Variants in EYS observed in about 807,000 individuals in gnomAD.
The protein encoded by EYS is EGF-like photoreceptor maintenance factor, also known as protein eyes shut homolog.
In EYS, 250 loss-of-function variants were observed where a neutral mutation model predicts 282.1. The ratio of observed to expected loss-of-function variants is 0.89; its 90% CI spans 0.80 to 0.98. The LOEUF is 0.98. Among genes scored for constraint, EYS ranks in the 50% least tolerant of loss-of-function variants. EYS has a pLI of 0.00. For missense variants in EYS, 4,016 were observed against 3,709.0 expected (o/e 1.08, Z -2.15); for synonymous variants, 1,355 against 1,282.9 (o/e 1.06, Z -1.20).
intron 22 of EYS, among the ~76,000 whole-genome samples, chr6:64,711,515 C>A (rs1190939173): frequency 6.6e-6 from 1 of 152,162 alleles, no homozygotes; most frequent in Non-Finnish European, 1.5e-5. Flanking sequence ...TCTGCTATGA[C>A]CATGACCATT....
At chr6:65,391,831 A>G (rs71572528) in intron 7 of EYS, among the ~76,000 whole-genome samples, 10,026 of 152,212 alleles carry the variant, frequency 0.066, 415 homozygotes, top group South Asian at 0.12. Context: ...TTTAAAGTTC[A>G]TATGGAACCA....
intron 2 of EYS, among the ~76,000 whole-genome samples, chr6:65,584,273 C>T (rs1764966391): frequency 6.6e-6 from 1 of 152,050 alleles, no homozygotes; most frequent in African/African-American, 2.4e-5. Flanking sequence ...CAGTTGAAGA[C>T]ATTGTTTATA....
At chr6:63,993,713 G>A (rs1767707497) in intron 34 of EYS, among the ~76,000 whole-genome samples, 1 of 151,818 alleles carries the variant, frequency 6.6e-6, no homozygotes, top group South Asian at 2.1e-4. Context: ...TCAATAAAAT[G>A]TCCATACTAT....
chr6:64,568,602 G>T (rs1465587358), intron 26 of EYS, among the ~76,000 whole-genome samples: 1 of 152,158 alleles, frequency 6.6e-6, no homozygotes, highest in African/African-American at 2.4e-5. Context: ...GAGAGAAGCG[G>T]ATCTCCCAGC....
intron 31 of EYS, among the ~76,000 whole-genome samples, chr6:64,140,559 T>C (rs1162332604): frequency 1.3e-5 from 2 of 152,178 alleles, no homozygotes; most frequent in Admixed American, 6.5e-5. Context: ...TGAGCAACTC[T>C]AGCAAGAGAT....
chr6:64,724,100 A>C lies in EYS; in HGVS notation c.3443+89278T>G, dbSNP rs561747437. 3.3e-5 allele frequency among the ~76,000 whole-genome samples: 5 copies of C among 152,236 alleles called. No individual in the cohort carries two copies. The East Asian group carries it at 9.7e-4, about 29-fold the overall frequency. ...TTTTTGTTGTTTTAACATTTAATAC[A>C]AGGAAACTGCTATAGTGAGAACATA... is the stretch of plus-strand genomic sequence containing the variant. On this transcript the variant is annotated intron_variant, in intron 22 of 42. Coordinates refer to ENST00000503581, the MANE Select transcript of EYS (RefSeq NM_001142800.2).
At chr6:64,285,365 C>T (rs560296527) in intron 30 of EYS, among the ~76,000 whole-genome samples, 23 of 152,276 alleles carry the variant, frequency 1.5e-4, no homozygotes, top group African/African-American at 3.4e-4. Flanking sequence ...GGCAAAATGC[C>T]GCCAGTCTCT....
chr6:64,885,025 A>G (rs1767044998), intron 19 of EYS, among the ~76,000 whole-genome samples: 1 of 151,698 alleles, frequency 6.6e-6, no homozygotes, highest in Non-Finnish European at 1.5e-5. Flanking sequence ...TCATTGCAGT[A>G]GCAATTCTGA....
chr6:64,113,705 A>G lies in EYS; in HGVS notation c.6425-31703T>C, dbSNP rs112130260. Among the ~76,000 whole-genome samples, 512 of 152,312 alleles carry G rather than the reference A, an allele frequency of 3.4e-3. 1 individual carries two copies. Among genetic ancestry groups the G allele is most frequent in the African/African-American group, 5.8e-3 (241 of 41,588 alleles). On this transcript the variant is annotated intron_variant, in intron 31 of 42. Transcript: ENST00000503581. ...GTTAGTTTTAATTATAAACTTTACC[A>G]TGGGAAGCATCTAGAGATACATCAC... is the stretch of plus-strand genomic sequence containing the variant.
At chr6:65,106,776 G>T (rs1775051899) in intron 12 of EYS, among the ~76,000 whole-genome samples, 1 of 151,774 alleles carries the variant, frequency 6.6e-6, no homozygotes, top group Admixed American at 6.6e-5. Flanking sequence ...GACCTACATA[G>T]GTCTTTACAT....
intron 31 of EYS, among the ~76,000 whole-genome samples, chr6:64,152,507 G>C (rs1465575429): frequency 6.6e-6 from 1 of 152,114 alleles, no homozygotes; most frequent in Non-Finnish European, 1.5e-5. Flanking sequence ...TTTCTATCCT[G>C]ATCCCTCAAT....
At chr6:64,980,516 GC>G (rs1562285245) in intron 14 of EYS, among the ~76,000 whole-genome samples, 1 of 151,222 alleles carries the variant, frequency 6.6e-6, no homozygotes. Flanking sequence ...TCTATAAATA[GC>G]AGCTGCATTT....
chr6:64,234,873 C>A (rs1766534541), intron 30 of EYS, among the ~76,000 whole-genome samples: 1 of 141,090 alleles, frequency 7.1e-6, no homozygotes, highest in Non-Finnish European at 1.5e-5. Context: ...CGTATCAGAA[C>A]TTTATTCTTT....
At chr6:64,949,577 A>G (rs1429635895) in intron 14 of EYS, among the ~76,000 whole-genome samples, 2 of 150,728 alleles carry the variant, frequency 1.3e-5, no homozygotes, top group South Asian at 2.1e-4. Context: ...GGACAACCAC[A>G]TGTTTGATTA....
chr6:64,439,260 T>A lies in EYS; in HGVS notation c.5737A>T (p.Thr1913Ser). ...AGCAGAAGTCCATAGGAGCTGAAGG[T>A]CTGAAATTCTAGGGAGATGTTATTT... ...PQNNISLEFQ[T>S]FSSYGLLLYV... Residue 1913 changes from threonine to serine, a missense_variant, in exon 27 of 43, where the codon ACC becomes TCC. Physicochemically the swap from Thr to Ser is moderately conservative, Grantham distance 58. Transcript: ENST00000503581. The A allele has an allele frequency of 6.6e-7, 1 of 1,515,708 alleles. No individual in the cohort carries two copies. 93.9% of individuals were successfully genotyped at this position (1,515,708 alleles called of 1,614,324 possible).
chr6:64,769,052 A>G (rs1201080772), intron 22 of EYS, among the ~76,000 whole-genome samples: 1 of 152,084 alleles, frequency 6.6e-6, no homozygotes, highest in African/African-American at 2.4e-5. Flanking sequence ...CTTTCATATT[A>G]AGACAAAAAT....
At chr6:64,855,179 T>A (rs144175570) in intron 19 of EYS, among the ~76,000 whole-genome samples, 1 of 151,936 alleles carries the variant, frequency 6.6e-6, no homozygotes, top group African/African-American at 2.4e-5. Flanking sequence ...TGTATCTGTA[T>A]GTGTGTGTGT....
chr6:64,283,274 G>A lies in EYS; in HGVS notation c.6191+23696C>T, dbSNP rs183747712. On this transcript the variant is annotated intron_variant, in intron 30 of 42. Coordinates refer to ENST00000503581, the MANE Select transcript of EYS (RefSeq NM_001142800.2). The stretch of plus-strand genomic sequence containing the variant: ...TTTCTTGTTCTGCCTAACTAACATA[G>A]TTAATTAGGCAGGTCAGAATCAATA... 2.0e-3 allele frequency among the ~76,000 whole-genome samples: 308 copies of A among 152,178 alleles called. 2 individuals are homozygous for A. Among genetic ancestry groups the A allele is most frequent in the African/African-American group, 7.1e-3 (294 of 41,524 alleles).
At chr6:64,788,027 T>G (rs1774076497) in intron 22 of EYS, among the ~76,000 whole-genome samples, 1 of 152,134 alleles carries the variant, frequency 6.6e-6, no homozygotes, top group Non-Finnish European at 1.5e-5. Context: ...TTTTTCTGTT[T>G]CCTACATTGC....
Sources: allele counts gnomAD v4.1 joint callset (sites outside exome capture counted in the v4.1 genomes callset), GRCh38; gene constraint gnomAD v4.1.1; transcripts MANE v1.5; gene names NCBI Gene and HGNC (gene_info 2026-07-23, HGNC 2026-07-21).